LLPH: variants seen among roughly 807,000 people sequenced by gnomAD.
LLPH encodes the protein protein LLP homolog.
LLPH carries 5 observed loss-of-function variants against 13.3 expected under a neutral mutation model. That is an observed-to-expected ratio of 0.38 (90% CI 0.20 to 0.79). The LOEUF is 0.79. Ranked by LOEUF, LLPH falls within the 30% of genes least tolerant of loss-of-function variation. The probability of loss-of-function intolerance (pLI) is 0.45; values close to 1 mark genes in which losing one functional copy is unlikely to be tolerated. For synonymous variants in LLPH, 32 were observed against 44.2 expected (o/e 0.72, Z 1.09); for missense variants, 129 against 152.1 (o/e 0.85, Z 0.80).
chr12:66,129,075 C>T lies in LLPH; in HGVS notation c.32G>A (p.Arg11Lys). The change falls in exon 2 of 3, where the codon AGA becomes AAA. Residue 11 changes from arginine to lysine, a missense_variant. By Grantham distance (26) the Arg-to-Lys change is conservative. Transcript: ENST00000266604. Reference sequence around the variant, plus strand: ...TTTTCTCTTTTCAGCACGCATCTTTCTTTTCCACTTACTCCGTAAGCTTTT... The same window carrying T: ...TTTTCTCTTTTCAGCACGCATCTTTTTTTTCCACTTACTCCGTAAGCTTTT... MAKSLRSKWKRKMRAEKRKKN... is the reference protein window; with the variant it reads MAKSLRSKWKKKMRAEKRKKN... 1 of 1,612,344 alleles carries T rather than the reference C, an allele frequency of 6.2e-7. No homozygotes were observed. Among genetic ancestry groups the T allele is most frequent in the Non-Finnish European group, 8.5e-7 (1 of 1,179,114 alleles).
intron 2 of LLPH, among the ~76,000 whole-genome samples, chr12:66,128,037 G>A (rs908993199): frequency 2.0e-5 from 3 of 152,204 alleles, no homozygotes; most frequent in African/African-American, 7.2e-5. Context: ...ATAGACTTGG[G>A]TAGTGGAAAG....
chr12:66,130,504 T>A (rs1265931009), intron 1 of LLPH: 1 of 152,116 alleles, frequency 6.6e-6, no homozygotes, highest in African/African-American at 2.4e-5. Context: ...AGGGGTGGGC[T>A]CCACTTTATC....
chr12:66,123,377 G>A lies in LLPH; in HGVS notation c.*463C>T, dbSNP rs529109417. 1.9e-5 allele frequency: 3 copies of A among 154,722 alleles called. No individual in the cohort carries two copies. Among genetic ancestry groups the A allele is most frequent in the Non-Finnish European group, 2.9e-5 (2 of 69,998 alleles). The allele number at this position is 154,722 out of a possible 1,614,324, so 9.6% of individuals were successfully genotyped here. A position where few individuals can be genotyped will look rare whatever the true frequency, so the allele number is the denominator to read the frequency against. On this transcript the variant is annotated 3_prime_UTR_variant, in exon 3 of 3. Transcript: ENST00000266604. ...ACTGACCTCGTGATCCACCTGCCTC[G>A]GCCTCCCAAAGTGCTGGGATTACAG...
rs1463838382 is a variant in LLPH, at chr12:66,120,437, TCCCCATGTGTAAACA to T, written c.*3388_*3402del. 4.6e-5 allele frequency: 7 copies of T among 152,206 alleles called. No homozygotes were observed. The highest frequency in any genetic ancestry group is 1.0e-4 in the Non-Finnish European group (7 of 68,046). The allele number at this position is 152,206 out of a possible 1,614,324, so 9.4% of individuals were successfully genotyped here. On this transcript the variant is annotated 3_prime_UTR_variant, in exon 3 of 3. Transcript: ENST00000266604. ...GTTGTATGGCCTGTGTGCCTCAGTTTCCCCATGTGTAAACAGAGATTACATTAGTACCAAACTCAG... is the reference window on the plus strand; with the variant it reads ...GTTGTATGGCCTGTGTGCCTCAGTTTGAGATTACATTAGTACCAAACTCAG...
rs1233633872 is a variant in LLPH at position 66,119,464 on chromosome 12, C to T, written c.*4376G>A. On this transcript the variant is annotated 3_prime_UTR_variant, in exon 3 of 3. Transcript: ENST00000266604. ...AGTCCTCTGGAAACAGCAGAGTGACCTTTGACCTGATGTAAGTATTTAACA... is the reference window on the plus strand; with the variant it reads ...AGTCCTCTGGAAACAGCAGAGTGACTTTTGACCTGATGTAAGTATTTAACA... The T allele has an allele frequency of 6.6e-6, 1 of 152,214 alleles. No homozygotes were observed. The allele number at this position is 152,214 out of a possible 1,614,324, so 9.4% of individuals were successfully genotyped here.
In LLPH at chr12:66,123,574, G is replaced by C; in HGVS notation, c.*266C>G. 1 of 436,330 alleles carries C rather than the reference G, an allele frequency of 2.3e-6. No individual in the cohort carries two copies. The allele number at this position is 436,330 out of a possible 1,614,324, so 27.0% of individuals were successfully genotyped here. A position where few individuals can be genotyped will look rare whatever the true frequency, so the allele number is the denominator to read the frequency against. ...ATTCTAACCATATTAATACCTGACA[G>C]AACGTTGAGGCCTGATTATAACTGG... is the stretch of plus-strand genomic sequence containing the variant. On this transcript the variant is annotated 3_prime_UTR_variant, in exon 3 of 3. Coordinates refer to ENST00000266604, the MANE Select transcript of LLPH (RefSeq NM_032338.4).
intron 1 of LLPH, among the ~76,000 whole-genome samples, chr12:66,129,442 G>C (rs950123744): frequency 6.6e-6 from 1 of 151,074 alleles, no homozygotes; most frequent in Non-Finnish European, 1.5e-5. Flanking sequence ...CTGGAGTGCA[G>C]TGGCGCGATC....
intron 2 of LLPH, among the ~76,000 whole-genome samples, chr12:66,128,110 A>AT (rs2051509020): frequency 1.3e-5 from 2 of 152,118 alleles, no homozygotes; most frequent in South Asian, 4.1e-4. Context: ...GCTTTTTGTA[A>AT]TTTTTATTCA....
chr12:66,119,766 T>A lies in LLPH; in HGVS notation c.*4074A>T, dbSNP rs368009328. The A allele has an allele frequency of 1.3e-5, 2 of 152,200 alleles. No homozygotes were observed. Among genetic ancestry groups the A allele is most frequent in the East Asian group, 3.9e-4 (2 of 5,192 alleles). The allele number at this position is 152,200 out of a possible 1,614,324, so 9.4% of individuals were successfully genotyped here. ...TGTTGTGGTCAGCACTTCCCTAAAT[T>A]ACACATTGCTGCCCCTCACCATCAC... On this transcript the variant is annotated 3_prime_UTR_variant, in exon 3 of 3. Coordinates refer to ENST00000266604, the MANE Select transcript of LLPH (RefSeq NM_032338.4).
In LLPH at chr12:66,118,933, C is replaced by T. The variant is rs1042616715; in HGVS notation, c.*4907G>A. On this transcript the variant is annotated 3_prime_UTR_variant, in exon 3 of 3. Transcript: ENST00000266604. ...TACAGTGTTTGAATCCATTTTGCTACATTCCAACCAAATGCCTGTCCACCT... is the reference window on the plus strand; with the variant it reads ...TACAGTGTTTGAATCCATTTTGCTATATTCCAACCAAATGCCTGTCCACCT... 9 of 152,200 alleles carry T rather than the reference C, an allele frequency of 5.9e-5. No individual in the cohort carries two copies. The highest frequency in any genetic ancestry group is 1.5e-5 in the Non-Finnish European group (1 of 68,032). 9.4% of individuals were successfully genotyped at this position (152,200 alleles called of 1,614,324 possible).
rs1253294045 is a variant in LLPH, at chr12:66,116,780, T to G, written c.*7060A>C. On this transcript the variant is annotated 3_prime_UTR_variant, in exon 3 of 3. Coordinates refer to ENST00000266604, the MANE Select transcript of LLPH (RefSeq NM_032338.4). ...TACATTCCGCATATTAAAAACTTAA[T>G]GTATTATAAAGCTATGCCATTCTTT... 3 of 152,240 alleles carry G rather than the reference T, an allele frequency of 2.0e-5. No individual in the cohort carries two copies. Among genetic ancestry groups the G allele is most frequent in the Non-Finnish European group, 4.4e-5 (3 of 68,030 alleles). 9.4% of individuals were successfully genotyped at this position (152,240 alleles called of 1,614,324 possible).
rs2051443410 is a variant in LLPH at position 66,118,502 on chromosome 12, TTA to T, written c.*5336_*5337del. ...TAAGTGGTACAGGTGTACCATTTTTTTATCTTTTATACTGTATTTTTACTGTA... is the reference window on the plus strand; with the variant it reads ...TAAGTGGTACAGGTGTACCATTTTTTTCTTTTATACTGTATTTTTACTGTA... On this transcript the variant is annotated 3_prime_UTR_variant, in exon 3 of 3. Transcript: ENST00000266604. 6.6e-6 allele frequency: 1 copy of T among 152,158 alleles called. No homozygotes were observed. Among genetic ancestry groups the T allele is most frequent in the South Asian group, 2.1e-4 (1 of 4,832 alleles). The allele number at this position is 152,158 out of a possible 1,614,324, so 9.4% of individuals were successfully genotyped here.
rs1015201288 is a variant in LLPH at position 66,123,155 on chromosome 12, G to C, written c.*685C>G. The stretch of plus-strand genomic sequence containing the variant: ...CATTATTTTTTTTTTTTTTGAGACA[G>C]AGTCCTACTCCATTGCCCAGGGTGG... On this transcript the variant is annotated 3_prime_UTR_variant, in exon 3 of 3. Coordinates refer to ENST00000266604, the MANE Select transcript of LLPH (RefSeq NM_032338.4). 5.3e-5 allele frequency: 8 copies of C among 149,804 alleles called. No individual in the cohort carries two copies. Among genetic ancestry groups the C allele is most frequent in the African/African-American group, 2.0e-4 (8 of 40,574 alleles). The allele number at this position is 149,804 out of a possible 1,614,324, so 9.3% of individuals were successfully genotyped here. A position where few individuals can be genotyped will look rare whatever the true frequency, so the allele number is the denominator to read the frequency against.
intron 1 of LLPH, among the ~76,000 whole-genome samples, chr12:66,129,390 C>CATT (rs2051519245): frequency 7.0e-6 from 1 of 143,628 alleles, no homozygotes. Context: ...TGTCTTTTTT[C>CATT]TTTTTTTTTT....
intron 2 of LLPH, among the ~76,000 whole-genome samples, chr12:66,125,460 G>T (rs2051490214): frequency 6.6e-6 from 1 of 152,166 alleles, no homozygotes; most frequent in Non-Finnish European, 1.5e-5. Flanking sequence ...ACATGAACTT[G>T]AGGGTAGAGA....
At chr12:66,127,399 A>G (rs2051504049) in intron 2 of LLPH, among the ~76,000 whole-genome samples, 1 of 152,246 alleles carries the variant, frequency 6.6e-6, no homozygotes, top group Non-Finnish European at 1.5e-5. Flanking sequence ...GCTAAGGGAA[A>G]TAAGCCAGGC....
rs545856784 is a variant in LLPH at position 66,123,143 on chromosome 12, T to C, written c.*697A>G. Reference sequence around the variant, plus strand: ...CTTTATAAGATCCATTATTTTTTTTTTTTTTGAGACAGAGTCCTACTCCAT... The same window carrying C: ...CTTTATAAGATCCATTATTTTTTTTCTTTTTGAGACAGAGTCCTACTCCAT... On this transcript the variant is annotated 3_prime_UTR_variant, in exon 3 of 3. Coordinates refer to ENST00000266604, the MANE Select transcript of LLPH (RefSeq NM_032338.4). 1.3e-5 allele frequency: 2 copies of C among 152,174 alleles called. No individual in the cohort carries two copies. The highest frequency in any genetic ancestry group is 1.3e-4 in the Admixed American group (2 of 15,290). 9.4% of individuals were successfully genotyped at this position (152,174 alleles called of 1,614,324 possible).
chr12:66,120,099 C>T lies in LLPH; in HGVS notation c.*3741G>A, dbSNP rs1379858721. 6.7e-6 allele frequency: 1 copy of T among 149,078 alleles called. No homozygotes were observed. Among genetic ancestry groups the T allele is most frequent in the South Asian group, 2.1e-4 (1 of 4,832 alleles). The allele number at this position is 149,078 out of a possible 1,614,324, so 9.2% of individuals were successfully genotyped here. A position where few individuals can be genotyped will look rare whatever the true frequency, so the allele number is the denominator to read the frequency against. Reference sequence around the variant, plus strand: ...ACCTTGGGCAACTACTGATCATGGCCTACACCTTCCCCTTTTGGATTGGTC... The same window carrying T: ...ACCTTGGGCAACTACTGATCATGGCTTACACCTTCCCCTTTTGGATTGGTC... On this transcript the variant is annotated 3_prime_UTR_variant, in exon 3 of 3. Transcript: ENST00000266604.
At position 66,123,525 on chromosome 12, in the gene LLPH, C is replaced by G. The variant is rs1375629317; in HGVS notation, c.*315G>C. 3.5e-6 allele frequency: 1 copy of G among 284,948 alleles called. No individual in the cohort carries two copies. Among genetic ancestry groups the G allele is most frequent in the Non-Finnish European group, 6.5e-6 (1 of 154,612 alleles). 17.7% of individuals were successfully genotyped at this position (284,948 alleles called of 1,614,324 possible). On this transcript the variant is annotated 3_prime_UTR_variant, in exon 3 of 3. Transcript: ENST00000266604. ...ACATCATCTGTTTTATCTCTATTGA[C>G]TATAATTACCAGTTGTAAGAACAAT...
Sources: allele counts gnomAD v4.1 joint callset (sites outside exome capture counted in the v4.1 genomes callset), GRCh38; gene constraint gnomAD v4.1.1; transcripts MANE v1.5; gene names NCBI Gene and HGNC (gene_info 2026-07-23, HGNC 2026-07-21).